RARB: variants seen among roughly 807,000 people sequenced by gnomAD.
RARB encodes the protein retinoic acid receptor beta.
RARB carries 17 observed loss-of-function variants against 51.9 expected under a neutral mutation model. The ratio of observed to expected loss-of-function variants is 0.33; its 90% CI spans 0.22 to 0.49. The LOEUF is 0.49. Among genes scored for constraint, RARB ranks in the 20% least tolerant of loss-of-function variants. RARB has a pLI of 0.99. For missense variants in RARB, 369 were observed against 550.8 expected (o/e 0.67, Z 3.30); for synonymous variants, 215 against 195.4 (o/e 1.10, Z -0.84).
chr3:25,142,959 T>C (rs1299052572), intron 4 of RARB, among the ~76,000 whole-genome samples: 1 of 152,140 alleles, frequency 6.6e-6, no homozygotes, highest in Non-Finnish European at 1.5e-5. Flanking sequence ...ACATATTATA[T>C]TTAAAAAAAA....
intron 2 of RARB, among the ~76,000 whole-genome samples, chr3:24,878,840 G>T (rs1422193965): frequency 6.6e-6 from 1 of 152,126 alleles, no homozygotes; most frequent in African/African-American, 2.4e-5. Flanking sequence ...ATTGCCCGGA[G>T]AAAAACCTTA....
intron 3 of RARB, among the ~76,000 whole-genome samples, chr3:25,076,962 G>A (rs4858698): frequency 0.89 from 135,200 of 152,238 alleles, 60,392 homozygotes; most frequent in African/African-American, 0.97. Flanking sequence ...CATTGTAAGT[G>A]AGGACATCAG....
intron 1 of RARB, among the ~76,000 whole-genome samples, chr3:25,436,021 A>T (rs1280376376): frequency 3.9e-5 from 6 of 152,212 alleles, no homozygotes; most frequent in Admixed American, 3.3e-4. Context: ...GGTTCCATTA[A>T]TTTTACTACA....
intron 1 of RARB, among the ~76,000 whole-genome samples, chr3:24,852,253 T>C (rs932486610): frequency 3.9e-5 from 6 of 152,206 alleles, no homozygotes; most frequent in Non-Finnish European, 5.9e-5. Flanking sequence ...ATTTCGCACA[T>C]TTCAACATTA....
chr3:25,113,343 A>G (rs902982716), intron 3 of RARB, among the ~76,000 whole-genome samples: 1 of 152,202 alleles, frequency 6.6e-6, no homozygotes, highest in African/African-American at 2.4e-5. Context: ...ATGTTTTAGC[A>G]TCACTGTAAA....
chr3:25,191,726 A>G (rs1701109517), intron 5 of RARB, among the ~76,000 whole-genome samples: 1 of 152,128 alleles, frequency 6.6e-6, no homozygotes, highest in African/African-American at 2.4e-5. Context: ...CTCCCAAACC[A>G]GAAATTCTCT....
At chr3:24,852,389 G>A (rs1468479357) in intron 1 of RARB, among the ~76,000 whole-genome samples, 1 of 152,152 alleles carries the variant, frequency 6.6e-6, no homozygotes, top group African/African-American at 2.4e-5. Context: ...TGGAGTCACT[G>A]GAACCCTCAT....
intron 5 of RARB, among the ~76,000 whole-genome samples, chr3:25,310,576 G>A (rs1704264505): frequency 6.6e-6 from 1 of 152,196 alleles, no homozygotes; most frequent in African/African-American, 2.4e-5. Context: ...TTCTTCAGAT[G>A]TGATTGTCCA....
intron 2 of RARB, among the ~76,000 whole-genome samples, chr3:24,942,168 G>T (rs1695681202): frequency 6.6e-6 from 1 of 152,162 alleles, no homozygotes. Flanking sequence ...CTGAAACCAG[G>T]TTTCATGGTT....
chr3:25,070,399 C>A (rs6791983), intron 3 of RARB, among the ~76,000 whole-genome samples: 113,799 of 152,076 alleles, frequency 0.75, 42,780 homozygotes, highest in East Asian at 0.82. Context: ...TGACTATTAG[C>A]GATATTTGAA....
At chr3:24,992,715 C>T (rs1376689605) in intron 2 of RARB, among the ~76,000 whole-genome samples, 2 of 152,268 alleles carry the variant, frequency 1.3e-5, no homozygotes, top group Non-Finnish European at 1.5e-5. Context: ...CCGTTTCCCT[C>T]TGTGTATCCT....
chr3:25,555,142 G>A lies in RARB; in HGVS notation c.449-14616G>A, dbSNP rs1004080911. On this transcript the variant is annotated intron_variant, in intron 3 of 7. Transcript: ENST00000330688. ...GAATAAAATTAGTGAATGAATGAAT[G>A]AATGAGTAAATTGACAAATAGCTAC... 2.0e-5 allele frequency among the ~76,000 whole-genome samples: 3 copies of A among 152,306 alleles called. No individual in the cohort carries two copies. The East Asian group carries it at 5.8e-4, about 29-fold the overall frequency.
chr3:25,583,030 A>C (rs1701240879), intron 5 of RARB, among the ~76,000 whole-genome samples: 1 of 152,158 alleles, frequency 6.6e-6, no homozygotes. Context: ...GAAACTTTCA[A>C]CCACTCCTTC....
At chr3:24,954,851 A>T (rs141090229) in intron 2 of RARB, among the ~76,000 whole-genome samples, 225 of 152,288 alleles carry the variant, frequency 1.5e-3, no homozygotes, top group African/African-American at 5.1e-3. Context: ...CAGGAGCTCA[A>T]ACTCCTTGCA....
chr3:24,953,828 TACTTG>T (rs1181396891), intron 2 of RARB, among the ~76,000 whole-genome samples: 1 of 152,234 alleles, frequency 6.6e-6, no homozygotes, highest in East Asian at 1.9e-4. Flanking sequence ...ATTCAACTCC[TACTTG>T]ACTTCTTGTC....
chr3:25,013,069 C>T (rs1697431929), intron 2 of RARB, among the ~76,000 whole-genome samples: 1 of 152,102 alleles, frequency 6.6e-6, no homozygotes, highest in Non-Finnish European at 1.5e-5. Context: ...GGCGTGGACC[C>T]ACTGTAGTAT....
intron 3 of RARB, among the ~76,000 whole-genome samples, chr3:25,560,769 C>G (rs932747516): frequency 4.6e-5 from 7 of 152,166 alleles, no homozygotes; most frequent in Non-Finnish European, 8.8e-5. Context: ...CATTTCACAT[C>G]TCAAAGCTTT....
At chr3:25,174,395 A>G in exon 5 of RARB, 1 of 1,352,054 alleles carries the variant, frequency 7.4e-7, no homozygotes, top group Non-Finnish European at 9.8e-7. Flanking sequence ...TGAGGCCCGA[A>G]ACATGACCAC....
chr3:25,298,169 G>C (rs1703960864), intron 5 of RARB, among the ~76,000 whole-genome samples: 1 of 148,604 alleles, frequency 6.7e-6, no homozygotes, highest in African/African-American at 2.5e-5. Flanking sequence ...ATTTTATTAA[G>C]AGTTGCTACC....
Sources: gnomAD v4.1 joint callset for allele counts (sites outside exome capture counted in the v4.1 genomes callset) on GRCh38, gnomAD v4.1.1 for gene constraint, MANE v1.5 for transcripts, NCBI Gene and HGNC (gene_info 2026-07-23, HGNC 2026-07-21) for gene names.